The following LPO variants were observed in gnomAD, a reference collection of about 807,000 sequenced individuals.
The protein encoded by LPO is salivary peroxidase.
In LPO, 70 loss-of-function variants were observed where a neutral mutation model predicts 68.4. That is an observed-to-expected ratio of 1.02 (90% CI 0.84 to 1.25). The LOEUF is 1.25. Ranked by LOEUF, LPO falls within the 50% of genes most tolerant of loss-of-function variation. The pLI, the probability that LPO is intolerant of heterozygous loss-of-function variation, is 0.00. For synonymous variants in LPO, 360 were observed against 357.6 expected (o/e 1.01, Z -0.08); for missense variants, 873 against 908.4 (o/e 0.96, Z 0.50).
At position 58,267,476 on chromosome 17, in the gene LPO, C is replaced by G. The variant is rs769826400; in HGVS notation, c.1821C>G (p.Ile607Met). 3.7e-6 allele frequency: 6 copies of G among 1,614,082 alleles called. No homozygotes were observed. Among genetic ancestry groups the G allele is most frequent in the Non-Finnish European group, 4.2e-6 (5 of 1,180,040 alleles). ...LLGLYGTPDN[I>M]DIWIGAIAEP... ...GTCTCTACGGGACCCCTGACAACAT[C>G]GACATCTGGATAGGGGCCATTGCTG... The change falls in exon 12 of 13, where the codon ATC becomes ATG. Residue 607 changes from isoleucine (I) to methionine (M), a missense_variant. Transcript: ENST00000262290.
intron 1 of LPO, 30 bp from the exon 2 acceptor site, chr17:58,242,948 C>T (rs745623267): frequency 5.7e-6 from 9 of 1,585,882 alleles, no homozygotes; most frequent in South Asian, 2.2e-5. Context: ...TCTAGAGAGG[C>T]TCACAGTGTG....
chr17:58,245,338 C>T (rs1969833555), intron 3 of LPO, among the ~76,000 whole-genome samples: 1 of 152,084 alleles, frequency 6.6e-6, no homozygotes, highest in South Asian at 2.1e-4. Context: ...ATCCCCTGAA[C>T]AGTTCAGTCC....
chr17:58,252,771 C>T lies in LPO; in HGVS notation c.1105+265C>T, dbSNP rs376505540. Among the ~76,000 whole-genome samples the T allele has an allele frequency of 6.4e-4, 95 of 149,300 alleles. 1 individual carries two copies. Among genetic ancestry groups the T allele is most frequent in the Non-Finnish European group, 2.8e-4 (19 of 66,926 alleles). ...AGGCTTGGTGGCTCACGCCTGTAATCCCAGCACTTTGGGAGGCCGAGGCAG... is the reference window on the plus strand; with the variant it reads ...AGGCTTGGTGGCTCACGCCTGTAATTCCAGCACTTTGGGAGGCCGAGGCAG... On this transcript the variant is annotated intron_variant, in intron 8 of 12. Coordinates refer to ENST00000262290, the MANE Select transcript of LPO (RefSeq NM_006151.3).
chr17:58,266,341 T>C lies in LPO; in HGVS notation c.1693+15T>C. ...TGGGCAACCTGGTGAGTGTCTGAAG[T>C]CTGGCCTGCACTGGGGAAATTTTAG... is the stretch of plus-strand genomic sequence containing the variant. On this transcript the variant is annotated intron_variant, in intron 11 of 12. Coordinates refer to ENST00000262290, the MANE Select transcript of LPO (RefSeq NM_006151.3). 1 of 1,613,416 alleles carries C rather than the reference T, an allele frequency of 6.2e-7. No individual in the cohort carries two copies. Among genetic ancestry groups the C allele is most frequent in the Non-Finnish European group, 8.5e-7 (1 of 1,179,824 alleles).
chr17:58,245,451 C>T (rs1969835272), intron 3 of LPO, among the ~76,000 whole-genome samples: 1 of 152,114 alleles, frequency 6.6e-6, no homozygotes, highest in Non-Finnish European at 1.5e-5. Flanking sequence ...ATTCTCTGGC[C>T]AGTGGCTCCC....
In LPO at chr17:58,267,473, C is replaced by T; in HGVS notation, c.1818C>T (p.Asn606=). 2 of 1,614,240 alleles carry T rather than the reference C, an allele frequency of 1.2e-6. No individual in the cohort carries two copies. The highest frequency in any genetic ancestry group is 1.7e-6 in the Non-Finnish European group (2 of 1,180,038). The change falls in exon 12 of 13, where the codon AAC becomes AAT. Residue 606 remains asparagine (N), a synonymous_variant. Transcript: ENST00000262290. ...TGGGTCTCTACGGGACCCCTGACAA[C>T]ATCGACATCTGGATAGGGGCCATTG... ...KLLGLYGTPD[N]IDIWIGAIAE...
At chr17:58,262,802 G>A (rs975073656) in intron 9 of LPO, among the ~76,000 whole-genome samples, 3 of 152,192 alleles carry the variant, frequency 2.0e-5, no homozygotes, top group Non-Finnish European at 4.4e-5. Flanking sequence ...ATATGCCTTG[G>A]AGTGAATTTC....
chr17:58,263,780 T>TA (rs1236769180), intron 9 of LPO, among the ~76,000 whole-genome samples: 2 of 152,166 alleles, frequency 1.3e-5, no homozygotes, highest in African/African-American at 4.8e-5. Flanking sequence ...TTACCTTGTT[T>TA]AGGTTTAGCA....
intron 11 of LPO, 75 bp downstream of exon 11, chr17:58,266,401 T>C (rs1970267542): frequency 2.0e-6 from 3 of 1,471,340 alleles, no homozygotes; most frequent in Non-Finnish European, 2.8e-6. Context: ...CTCTCTTCTA[T>C]AACCCTGAGG....
intron 1 of LPO, among the ~76,000 whole-genome samples, chr17:58,239,548 G>A (rs1288921556): frequency 6.6e-6 from 1 of 151,928 alleles, no homozygotes; most frequent in South Asian, 2.1e-4. Context: ...GCAGGTGATG[G>A]GGCAAGAATT....
chr17:58,250,075 A>G (rs958503012), intron 6 of LPO, among the ~76,000 whole-genome samples: 3 of 151,936 alleles, frequency 2.0e-5, no homozygotes, highest in African/African-American at 7.3e-5. Context: ...ATTCCTGGAC[A>G]CCTGGCACCT....
chr17:58,258,372 T>A (rs192492114), intron 9 of LPO, among the ~76,000 whole-genome samples: 19 of 152,364 alleles, frequency 1.2e-4, no homozygotes, highest in African/African-American at 4.3e-4. Context: ...ATATCCAGTT[T>A]TCCCAGCACC....
At position 58,264,866 on chromosome 17, in the gene LPO, G is replaced by A. The variant is rs1439112601; in HGVS notation, c.1411G>A (p.Val471Ile). The A allele has an allele frequency of 1.2e-5, 19 of 1,614,062 alleles. No individual in the cohort carries two copies. The highest frequency in any genetic ancestry group is 1.7e-5 in the Admixed American group (1 of 60,002). Residue 471 changes from valine to isoleucine, a missense_variant, in exon 10 of 13, where the codon GTC (valine) becomes ATC (isoleucine). By Grantham distance (29) the Val-to-Ile change is conservative. Transcript: ENST00000262290. ...TFAFRFGHLE[V>I]PSSMFRLDEN... is the part of the protein sequence containing the mutation. ...CGCCTTCCGCTTTGGCCACTTGGAG[G>A]TCCCCTCTAGTATGTTCCGCCTGGA...
In LPO at chr17:58,254,920, T is replaced by C; in HGVS notation, c.1215T>C (p.Asp405=). 1 of 1,614,094 alleles carries C rather than the reference T, an allele frequency of 6.2e-7. No homozygotes were observed. The highest frequency in any genetic ancestry group is 8.5e-7 in the Non-Finnish European group (1 of 1,179,994). ...RELKRLNPQW[D]GEKLYQEARK... ...TAAAGAGACTCAACCCTCAGTGGGA[T>C]GGAGAGAAGCTCTACCAGGAAGCCC... The change falls in exon 9 of 13, where the codon GAT becomes GAC. Residue 405 remains aspartate, a synonymous_variant. Coordinates refer to ENST00000262290, the MANE Select transcript of LPO (RefSeq NM_006151.3).
intron 9 of LPO, among the ~76,000 whole-genome samples, chr17:58,257,226 G>A (rs1385579269): frequency 3.3e-5 from 5 of 151,846 alleles, no homozygotes; most frequent in South Asian, 2.1e-4. Context: ...GAGCCACCGC[G>A]CCTGGCCATC....
intron 9 of LPO, among the ~76,000 whole-genome samples, chr17:58,259,891 G>A (rs9912140): frequency 1.0e-3 from 155 of 152,188 alleles, no homozygotes; most frequent in African/African-American, 3.6e-3. Flanking sequence ...GCACGATCTC[G>A]GCTCACTGCA....
chr17:58,247,502 G>A lies in LPO; in HGVS notation c.189G>A (p.Glu63=). 6.2e-7 allele frequency: 1 copy of A among 1,613,872 alleles called. No individual in the cohort carries two copies. The highest frequency in any genetic ancestry group is 8.5e-7 in the Non-Finnish European group (1 of 1,179,960). Residue 63 remains glutamate (E), a synonymous_variant, in exon 4 of 13, where the codon GAG becomes GAA. Coordinates refer to ENST00000262290, the MANE Select transcript of LPO (RefSeq NM_006151.3). The part of the protein sequence containing the change: ...RTRLKTAMSS[E]TPTSRQLSEY... ...GGCTGAAGACCGCCATGAGCTCTGA[G>A]ACTCCCACCAGCCGACAGCTCTCAG...
intron 9 of LPO, 83 bp downstream of exon 9, chr17:58,255,054 G>C (rs1402496584): frequency 7.0e-5 from 102 of 1,458,492 alleles, no homozygotes; most frequent in Non-Finnish European, 3.8e-6. Flanking sequence ...CTGTGCCTCA[G>C]GCTCTCTCCT....
chr17:58,240,778 G>A (rs952612639), intron 1 of LPO, among the ~76,000 whole-genome samples: 4 of 152,128 alleles, frequency 2.6e-5, no homozygotes, highest in Non-Finnish European at 4.4e-5. Context: ...GGCTGTCTCA[G>A]ATGATGTCTT....
Sources: allele counts gnomAD v4.1 joint callset (sites outside exome capture counted in the v4.1 genomes callset), GRCh38; gene constraint gnomAD v4.1.1; transcripts MANE v1.5; gene names NCBI Gene and HGNC (gene_info 2026-07-23, HGNC 2026-07-21).